Variants in FSTL5 observed in about 807,000 individuals in gnomAD.
The protein encoded by FSTL5 is follistatin like 5.
A neutral mutation model predicts 89.1 loss-of-function variants in FSTL5; 62 were observed. The observed-to-expected ratio is 0.70, with a 90% CI of 0.57 to 0.86. The LOEUF (loss-of-function observed/expected upper bound fraction) is 0.86. Ranked by LOEUF, FSTL5 falls within the 40% of genes least tolerant of loss-of-function variation. The pLI is 0.00. For synonymous variants in FSTL5, 383 were observed against 346.2 expected (o/e 1.11, Z -1.18); for missense variants, 1,057 against 1,001.6 (o/e 1.06, Z -0.75).
intron 2 of FSTL5, among the ~76,000 whole-genome samples, chr4:162,047,091 G>T (rs1424411237): frequency 6.6e-6 from 1 of 151,950 alleles, no homozygotes; most frequent in South Asian, 2.1e-4. Context: ...GATACCCCCA[G>T]GTAAGCCCAA....
At chr4:161,522,851 TA>T (rs913869536) in intron 10 of FSTL5, among the ~76,000 whole-genome samples, 1 of 151,724 alleles carries the variant, frequency 6.6e-6, no homozygotes, top group African/African-American at 2.4e-5. Flanking sequence ...TAAATATAAA[TA>T]AAAAATATCT....
At chr4:161,839,287 A>G (rs144245536) in intron 4 of FSTL5, among the ~76,000 whole-genome samples, 20 of 152,270 alleles carry the variant, frequency 1.3e-4, no homozygotes, top group African/African-American at 4.8e-4. Context: ...GGGATGAATG[A>G]AAGAGAGAAA....
At chr4:161,616,675 AAC>A (rs1734881224) in intron 7 of FSTL5, among the ~76,000 whole-genome samples, 1 of 152,024 alleles carries the variant, frequency 6.6e-6, no homozygotes, top group South Asian at 2.1e-4. Flanking sequence ...AGAAGGGAAT[AAC>A]ACAGATTGTG....
At chr4:162,003,626 A>G (rs1023122682) in intron 3 of FSTL5, among the ~76,000 whole-genome samples, 31 of 152,192 alleles carry the variant, frequency 2.0e-4, no homozygotes, top group African/African-American at 6.3e-4. Context: ...AAATAGAAAA[A>G]AATGTATAAT....
intron 4 of FSTL5, among the ~76,000 whole-genome samples, chr4:161,779,492 T>C (rs1307965518): frequency 6.6e-6 from 1 of 151,660 alleles, no homozygotes; most frequent in African/African-American, 2.4e-5. Context: ...ATATTGAATC[T>C]TCCCAACAAC....
chr4:161,727,020 A>G (rs928957178), intron 6 of FSTL5, among the ~76,000 whole-genome samples: 1 of 152,134 alleles, frequency 6.6e-6, no homozygotes, highest in African/African-American at 2.4e-5. Context: ...TGCAAGTATT[A>G]GTTTAAAACT....
chr4:162,014,047 G>A (rs1736845919), intron 3 of FSTL5, among the ~76,000 whole-genome samples: 1 of 152,122 alleles, frequency 6.6e-6, no homozygotes, highest in South Asian at 2.1e-4. Flanking sequence ...AGGCCTGGAG[G>A]TCTGGGTTGT....
intron 3 of FSTL5, among the ~76,000 whole-genome samples, chr4:161,942,392 G>A (rs1006394068): frequency 4.0e-5 from 6 of 151,816 alleles, no homozygotes; most frequent in African/African-American, 1.4e-4. Context: ...CTCACTAAGA[G>A]AAAAAATTAA....
chr4:162,039,657 C>G (rs1387625899), intron 2 of FSTL5, among the ~76,000 whole-genome samples: 1 of 151,928 alleles, frequency 6.6e-6, no homozygotes, highest in Admixed American at 6.6e-5. Flanking sequence ...CTGTGTTTAG[C>G]TTGGCTAAAT....
chr4:162,157,478 A>G (rs1039540887), intron 1 of FSTL5, among the ~76,000 whole-genome samples: 2 of 152,058 alleles, frequency 1.3e-5, no homozygotes, highest in African/African-American at 2.4e-5. Context: ...ATCTGTGAAG[A>G]GATGATAATT....
chr4:162,033,556 G>T, intron 3 of FSTL5, 69 bp downstream of exon 3: 1 of 759,500 alleles, frequency 1.3e-6, no homozygotes, highest in South Asian at 1.8e-5. Flanking sequence ...ATTCAAAGTA[G>T]CATCACATAT....
intron 1 of FSTL5, among the ~76,000 whole-genome samples, chr4:162,133,158 C>G (rs556906711): frequency 6.6e-6 from 1 of 152,180 alleles, no homozygotes; most frequent in East Asian, 1.9e-4. Context: ...ACTGTGTTAG[C>G]CAGGATGGTT....
chr4:161,476,876 T>C lies in FSTL5; in HGVS notation c.1608+4144A>G, dbSNP rs148298613. ...TGTCAATCAACAATCAAAGAACAGA[T>C]ACCCCAAATGTAAAGGACAGCATCA... is the stretch of plus-strand genomic sequence containing the variant. On this transcript the variant is annotated intron_variant, in intron 13 of 15. Transcript: ENST00000306100. Among the ~76,000 whole-genome samples, 399 of 152,260 alleles carry C rather than the reference T, an allele frequency of 2.6e-3. 3 individuals are homozygous for C. The South Asian group carries it at 0.029, about 11-fold the overall frequency.
intron 5 of FSTL5, among the ~76,000 whole-genome samples, chr4:161,774,331 C>T (rs149351266): frequency 9.2e-5 from 14 of 152,278 alleles, no homozygotes; most frequent in African/African-American, 2.9e-4. Flanking sequence ...TCAGAGGAAG[C>T]ATGGCCCTGT....
intron 6 of FSTL5, among the ~76,000 whole-genome samples, chr4:161,736,142 T>C (rs1447947699): frequency 1.9e-4 from 29 of 152,102 alleles, no homozygotes; most frequent in Admixed American, 1.8e-3. Flanking sequence ...AAGTTTAAAA[T>C]TGAATCCTAT....
chr4:161,934,748 CTA>C (rs1734386751), intron 3 of FSTL5, among the ~76,000 whole-genome samples: 1 of 152,034 alleles, frequency 6.6e-6, no homozygotes, highest in Admixed American at 6.6e-5. Context: ...ATTACAACTG[CTA>C]TGTTAGACAT....
At chr4:161,542,485 A>C in intron 9 of FSTL5, 47 bp downstream of exon 9, 1 of 1,251,324 alleles carries the variant, frequency 8.0e-7, no homozygotes, top group African/African-American at 1.6e-5. Context: ...TTTAGTATAA[A>C]TTTTCAACAT....
At position 161,486,433 on chromosome 4, in the gene FSTL5, T is replaced by C. The variant is rs1449449826; in HGVS notation, c.1459-5264A>G. ...GGAGAGAGGGTTTGGTGTCTTAATA[T>C]ATCATTAAATAAAGGCATGTAAGTC... is the stretch of plus-strand genomic sequence containing the variant. On this transcript the variant is annotated intron_variant, in intron 12 of 15. Coordinates refer to ENST00000306100, the MANE Select transcript of FSTL5 (RefSeq NM_020116.5). Among the ~76,000 whole-genome samples the C allele has an allele frequency of 5.3e-5, 8 of 152,156 alleles. No individual in the cohort carries two copies. The East Asian group carries it at 1.5e-3, about 29-fold the overall frequency.
At chr4:161,659,450 T>C (rs1736633346) in intron 6 of FSTL5, among the ~76,000 whole-genome samples, 1 of 152,202 alleles carries the variant, frequency 6.6e-6, no homozygotes, top group Non-Finnish European at 1.5e-5. Flanking sequence ...TTTATTTGTC[T>C]TGTGATAGTT....
Sources: allele counts gnomAD v4.1 joint callset (sites outside exome capture counted in the v4.1 genomes callset), GRCh38; gene constraint gnomAD v4.1.1; transcripts MANE v1.5; gene names NCBI Gene and HGNC (gene_info 2026-07-23, HGNC 2026-07-21).